FOXP2: variants seen among roughly 807,000 people sequenced by gnomAD.
FOXP2 encodes the protein forkhead box protein P2.
FOXP2 carries 12 observed loss-of-function variants against 115.8 expected under a neutral mutation model. That is an observed-to-expected ratio of 0.10 (90% CI 0.07 to 0.17). The LOEUF (loss-of-function observed/expected upper bound fraction) is 0.17. Ranked by LOEUF, FOXP2 falls within the 10% of genes least tolerant of loss-of-function variation. The probability of loss-of-function intolerance (pLI) is 1.00; values close to 1 mark genes in which losing one functional copy is unlikely to be tolerated. For missense variants in FOXP2, 629 were observed against 843.5 expected (o/e 0.75, Z 3.15); for synonymous variants, 328 against 297.7 (o/e 1.10, Z -1.05).
At chr7:114,685,488 A>C (rs1808312554) in intron 16 of FOXP2, among the ~76,000 whole-genome samples, 1 of 152,192 alleles carries the variant, frequency 6.6e-6, no homozygotes, top group Non-Finnish European at 1.5e-5. Flanking sequence ...TATCAATGAC[A>C]AACTCTTCTT....
intron 16 of FOXP2, among the ~76,000 whole-genome samples, chr7:114,673,047 C>T (rs1422744180): frequency 1.3e-5 from 2 of 152,168 alleles, no homozygotes; most frequent in Non-Finnish European, 2.9e-5. Context: ...CCCGTATACT[C>T]ATATTACCTA....
intron 2 of FOXP2, among the ~76,000 whole-genome samples, chr7:114,462,694 T>C (rs1169596873): frequency 6.6e-6 from 1 of 152,132 alleles, no homozygotes; most frequent in Non-Finnish European, 1.5e-5. Context: ...TCTTTTCACA[T>C]CATAGTCTTT....
chr7:114,494,810 C>T (rs998346632), intron 2 of FOXP2, among the ~76,000 whole-genome samples: 3 of 152,080 alleles, frequency 2.0e-5, no homozygotes, highest in Admixed American at 1.3e-4. Flanking sequence ...ATTTTGATGA[C>T]ATGTTGCTAT....
At position 114,587,879 on chromosome 7, in the gene FOXP2, A is replaced by ATATATATATATAT; in HGVS notation, c.259-40661_259-40660insTATATATATATAT. On this transcript the variant is annotated intron_variant, in intron 3 of 16. Transcript: ENST00000350908. ...CTAATTGGGTGAATAAGAGATAATTAAATCCACCTTTCTTAGTGCCTTATT... is the reference window on the plus strand; with the variant it reads ...CTAATTGGGTGAATAAGAGATAATTATATATATATATATAATCCACCTTTCTTAGTGCCTTATT... Among the ~76,000 whole-genome samples the ATATATATATATAT allele has an allele frequency of 8.9e-4, 68 of 76,426 alleles. 2 individuals carry two copies. The highest frequency in any genetic ancestry group is 1.3e-3 in the Non-Finnish European group (42 of 33,592). The allele number at this position is 76,426 out of a possible 152,430, so 50.1% of individuals were successfully genotyped here.
chr7:114,506,942 G>A (rs181576088), intron 2 of FOXP2, among the ~76,000 whole-genome samples: 15 of 151,742 alleles, frequency 9.9e-5, no homozygotes, highest in East Asian at 5.8e-4. Context: ...AAATGTCTTC[G>A]TAGAATATTG....
intron 2 of FOXP2, among the ~76,000 whole-genome samples, chr7:114,477,269 G>C (rs932688482): frequency 6.6e-6 from 1 of 151,948 alleles, no homozygotes; most frequent in African/African-American, 2.4e-5. Flanking sequence ...ATGCCCATCA[G>C]TGGTAGTTTG....
In FOXP2 at chr7:114,252,335, T is replaced by C. The variant is rs529569789; in HGVS notation, c.-101-35684T>C. On this transcript the variant is annotated intron_variant, in intron 1 of 17. Transcript: ENST00000634411. ...ATGACTTAGGGAGGATTCCCTCTTT[T>C]TCTATTGATTGGAATAGTTTCAGAA... 5.3e-5 allele frequency among the ~76,000 whole-genome samples: 8 copies of C among 152,340 alleles called. 1 individual carries two copies. The highest frequency in any genetic ancestry group is 5.2e-4 in the Admixed American group (8 of 15,286).
In FOXP2 at chr7:114,112,450, A is replaced by G. The variant is rs1427061852; in HGVS notation, c.-247+24612A>G. 4.0e-4 allele frequency among the ~76,000 whole-genome samples: 61 copies of G among 152,038 alleles called. 1 individual carries two copies. Among genetic ancestry groups the G allele is most frequent in the Admixed American group, 3.9e-3 (60 of 15,254 alleles). On this transcript the variant is annotated intron_variant, in intron 1 of 19. Transcript: ENST00000635638. ...GTAGCTGGGACTACAGACATGTGCC[A>G]CCAATGCCTGGCTAATTTTTGTGTT...
intron 16 of FOXP2, chr7:114,668,082 G>A (rs1376614055): frequency 6.6e-6 from 1 of 152,060 alleles, no homozygotes; most frequent in Non-Finnish European, 1.5e-5. Context: ...GTTCAAAAGG[G>A]AAGATGAAGA....
intron 2 of FOXP2, among the ~76,000 whole-genome samples, chr7:114,331,315 G>A (rs1271333918): frequency 6.6e-6 from 1 of 152,112 alleles, no homozygotes; most frequent in Non-Finnish European, 1.5e-5. Context: ...TTGGACAAAA[G>A]TCTCAGGTTA....
intron 1 of FOXP2, among the ~76,000 whole-genome samples, chr7:114,280,600 AACT>A (rs1433921087): frequency 1.3e-5 from 2 of 152,202 alleles, no homozygotes; most frequent in Non-Finnish European, 2.9e-5. Flanking sequence ...GAGATACAGT[AACT>A]ACAGAAGCCT....
chr7:114,414,132 G>A (rs1793242650), upstream of FOXP2: 1 of 152,084 alleles, frequency 6.6e-6, no homozygotes, highest in African/African-American at 2.4e-5. Flanking sequence ...TGTAGCTGTA[G>A]TTTTTACCTT....
chr7:114,422,212 G>A (rs1170213470), intron 1 of FOXP2, among the ~76,000 whole-genome samples: 2 of 151,728 alleles, frequency 1.3e-5, no homozygotes, highest in Admixed American at 1.3e-4. Flanking sequence ...GAATGAATCA[G>A]ATATTAGACA....
At chr7:114,613,798 C>T (rs1464486232) in intron 3 of FOXP2, 1 of 151,568 alleles carries the variant, frequency 6.6e-6, no homozygotes, top group Admixed American at 6.6e-5. Context: ...ACCTACAGCA[C>T]CCACTACCAC....
rs1798598887 is a variant in FOXP2, at chr7:114,521,017, G to T, written c.169-13600G>T. Among the ~76,000 whole-genome samples the T allele has an allele frequency of 1.3e-5, 2 of 151,990 alleles. 1 individual carries two copies. Among genetic ancestry groups the T allele is most frequent in the South Asian group, 4.1e-4 (2 of 4,824 alleles). On this transcript the variant is annotated intron_variant, in intron 2 of 16. Transcript: ENST00000350908. ...AAAAGTCTAAATATCTATCAGAAGAGGATTGTATTAAAGAAAATTGAGCTT... is the reference window on the plus strand; with the variant it reads ...AAAAGTCTAAATATCTATCAGAAGATGATTGTATTAAAGAAAATTGAGCTT...
At chr7:114,587,670 C>G (rs528940326) in intron 3 of FOXP2, among the ~76,000 whole-genome samples, 4 of 151,582 alleles carry the variant, frequency 2.6e-5, no homozygotes, top group Non-Finnish European at 5.9e-5. Context: ...AAAACTGTGA[C>G]TAATTCATTT....
At chr7:114,382,863 T>A (rs1358068362) in intron 2 of FOXP2, among the ~76,000 whole-genome samples, 2 of 152,182 alleles carry the variant, frequency 1.3e-5, no homozygotes, top group African/African-American at 4.8e-5. Context: ...TTTCTTCCTT[T>A]CCCTGTGTTA....
At chr7:114,442,004 A>G (rs921649068) in intron 2 of FOXP2, among the ~76,000 whole-genome samples, 16 of 152,178 alleles carry the variant, frequency 1.1e-4, no homozygotes, top group African/African-American at 4.8e-5. Flanking sequence ...AATCCTATGT[A>G]TCTATGCAAG....
intron 2 of FOXP2, among the ~76,000 whole-genome samples, chr7:114,465,979 C>T (rs549835917): frequency 6.6e-6 from 1 of 152,238 alleles, no homozygotes; most frequent in East Asian, 1.9e-4. Flanking sequence ...AGAGTCTTAC[C>T]CACGAAGCAT....
Sources: gnomAD v4.1 joint callset for allele counts (sites outside exome capture counted in the v4.1 genomes callset) on GRCh38, gnomAD v4.1.1 for gene constraint, MANE v1.5 for transcripts, NCBI Gene and HGNC (gene_info 2026-07-23, HGNC 2026-07-21) for gene names.